TTLL5: variants seen among roughly 807,000 people sequenced by gnomAD.
TTLL5 encodes tubulin polyglutamylase TTLL5.
Under a neutral mutation model 168.4 loss-of-function variants are expected in TTLL5, and 132 were observed. That is an observed-to-expected ratio of 0.78 (90% CI 0.68 to 0.91). The LOEUF is 0.91. TTLL5 is among the 40% of genes least tolerant of loss of function. TTLL5 has a pLI of 0.00. For synonymous variants in TTLL5, 546 were observed against 558.6 expected, an observed-to-expected ratio of 0.98 and a Z score of 0.32; for missense variants, 1,545 against 1,581.5, an observed-to-expected ratio of 0.98 and a Z score of 0.39.
In TTLL5 at chr14:75,690,182, G is replaced by A. The variant is rs752553123; in HGVS notation, c.372-10G>A. On this transcript the variant is annotated splice_polypyrimidine_tract_variant and intron_variant, in intron 5 of 31. Coordinates refer to ENST00000298832, the MANE Select transcript of TTLL5 (RefSeq NM_015072.5). ...GTTTACTGAATGGAAATACTTTTTT[G>A]ATTTTTCAGGTCTTATGAACTTACC... is the stretch of plus-strand genomic sequence containing the variant. The A allele has an allele frequency of 8.1e-6, 13 of 1,607,126 alleles. 1 individual carries two copies. The South Asian group carries it at 1.5e-4, about 18-fold the overall frequency.
rs978438563 is a variant in TTLL5 at position 75,776,665 on chromosome 14, T to C, written c.2284-82T>C. 66 of 991,864 alleles carry C rather than the reference T, an allele frequency of 6.7e-5. No homozygotes were observed. The African/African-American group carries it at 1.0e-3, about 16-fold the overall frequency. 61.4% of individuals were successfully genotyped at this position (991,864 alleles called of 1,614,324 possible). A position where few individuals can be genotyped will look rare whatever the true frequency, so the allele number is the denominator to read the frequency against. On this transcript the variant is annotated intron_variant, in intron 22 of 31. Transcript: ENST00000298832. ...ATAAGGACAGATTAACTCAAGGCTATTGAAACTACATGATGAAGTGCATAT... is the reference window on the plus strand; with the variant it reads ...ATAAGGACAGATTAACTCAAGGCTACTGAAACTACATGATGAAGTGCATAT...
At chr14:75,931,781 C>G (rs1160148581) in intron 31 of TTLL5, among the ~76,000 whole-genome samples, 1 of 152,244 alleles carries the variant, frequency 6.6e-6, no homozygotes, top group South Asian at 2.1e-4. Flanking sequence ...CTATCCCAAA[C>G]TTCTTCACCA....
chr14:75,768,889 A>G (rs1376104909), intron 20 of TTLL5, among the ~76,000 whole-genome samples: 1 of 152,200 alleles, frequency 6.6e-6, no homozygotes, highest in Non-Finnish European at 1.5e-5. Flanking sequence ...CAGTCAGAAG[A>G]CCTGAGCTCT....
intron 6 of TTLL5, among the ~76,000 whole-genome samples, chr14:75,693,386 C>T (rs1885596793): frequency 6.6e-6 from 1 of 152,138 alleles, no homozygotes; most frequent in Non-Finnish European, 1.5e-5. Context: ...AGACACCAGC[C>T]AAGGTGATCT....
intron 28 of TTLL5, among the ~76,000 whole-genome samples, chr14:75,844,593 G>T (rs1214460537): frequency 6.6e-6 from 1 of 152,160 alleles, no homozygotes; most frequent in African/African-American, 2.4e-5. Flanking sequence ...TGTAAGATGG[G>T]ATAATACCTG....
chr14:75,837,625 A>G (rs1369239607), intron 28 of TTLL5, among the ~76,000 whole-genome samples: 1 of 152,098 alleles, frequency 6.6e-6, no homozygotes, highest in African/African-American at 2.4e-5. Context: ...ACGCCTGGAC[A>G]CTACTGTGGT....
At chr14:75,675,616 C>T (rs1884082507) in intron 3 of TTLL5, among the ~76,000 whole-genome samples, 2 of 152,204 alleles carry the variant, frequency 1.3e-5, no homozygotes, top group African/African-American at 4.8e-5. Flanking sequence ...GGACCATGCT[C>T]TGCCTCATGT....
chr14:75,930,260 G>T (rs1285798924), intron 31 of TTLL5, among the ~76,000 whole-genome samples: 4 of 152,160 alleles, frequency 2.6e-5, no homozygotes, highest in Admixed American at 6.5e-5. Flanking sequence ...AGGTAAAACA[G>T]AATTTCAAAT....
At chr14:75,773,450 TC>T (rs1163623241) in intron 21 of TTLL5, among the ~76,000 whole-genome samples, 1 of 151,884 alleles carries the variant, frequency 6.6e-6, no homozygotes, top group Non-Finnish European at 1.5e-5. Flanking sequence ...AAAATCAAAT[TC>T]AAGAAGAAAA....
At chr14:75,798,445 G>A (rs1893109281) in intron 27 of TTLL5, among the ~76,000 whole-genome samples, 1 of 149,518 alleles carries the variant, frequency 6.7e-6, no homozygotes, top group African/African-American at 2.5e-5. Flanking sequence ...GGGTTTTTTT[G>A]TTTGTATCAA....
chr14:75,954,699 A>G lies in TTLL5; in HGVS notation c.*253A>G. ...TGGGGACATTCAGCTGATGCATTAT[A>G]TACCCCGTCAGAGCACACTTGTATC... is the stretch of plus-strand genomic sequence containing the variant. On this transcript the variant is annotated 3_prime_UTR_variant, in exon 32 of 32. Transcript: ENST00000298832. The G allele has an allele frequency of 3.5e-6, 2 of 563,674 alleles. No individual in the cohort carries two copies. The highest frequency in any genetic ancestry group is 6.3e-6 in the Non-Finnish European group (2 of 316,026). The allele number at this position is 563,674 out of a possible 1,614,324, so 34.9% of individuals were successfully genotyped here.
At position 75,792,997 on chromosome 14, in the gene TTLL5, G is replaced by A. The variant is rs200575817; in HGVS notation, c.3068G>A (p.Arg1023Gln). 64 of 1,613,422 alleles carry A rather than the reference G, an allele frequency of 4.0e-5. No homozygotes were observed. The highest frequency in any genetic ancestry group is 2.7e-5 in the African/African-American group (2 of 74,890). The change falls in exon 27 of 32, where the codon CGG becomes CAG. Residue 1023 changes from arginine to glutamine, a missense_variant. Physicochemically the swap from Arg to Gln is conservative, Grantham distance 43 (BLOSUM62 1). Coordinates refer to ENST00000298832, the MANE Select transcript of TTLL5 (RefSeq NM_015072.5). Reference protein sequence around the residue: ...EGEDASLYSKRYNQSMVTAEL... With the variant: ...EGEDASLYSKQYNQSMVTAEL... ...GAAGATGCTTCTTTATATAGCAAAC[G>A]GTACAACCAAAGTATGGTTACAGCT...
chr14:75,892,556 G>A (rs1301342599), intron 30 of TTLL5, among the ~76,000 whole-genome samples: 1 of 152,200 alleles, frequency 6.6e-6, no homozygotes, highest in African/African-American at 2.4e-5. Context: ...CTGGGGGAGT[G>A]CGACTGGCAT....
At chr14:75,863,324 T>C (rs932394481) in intron 28 of TTLL5, among the ~76,000 whole-genome samples, 1 of 152,214 alleles carries the variant, frequency 6.6e-6, no homozygotes, top group Non-Finnish European at 1.5e-5. Flanking sequence ...CCATCCTGCA[T>C]TGGAAGCTCT....
intron 28 of TTLL5, among the ~76,000 whole-genome samples, chr14:75,829,819 T>C (rs1048359019): frequency 2.6e-5 from 4 of 152,238 alleles, no homozygotes; most frequent in African/African-American, 4.8e-5. Context: ...CCAGTCTGGC[T>C]CAGACAGTGT....
intron 4 of TTLL5, 46 bp downstream of exon 4, chr14:75,681,673 A>G: frequency 3.2e-6 from 5 of 1,549,432 alleles, no homozygotes; most frequent in Non-Finnish European, 4.4e-6. Flanking sequence ...ATAAGCTGAA[A>G]ATCCCAGCCA....
chr14:75,737,713 T>G (rs1888997280), intron 15 of TTLL5: 14 of 1,188,238 alleles, frequency 1.2e-5, no homozygotes, highest in Admixed American at 2.5e-5. Context: ...ATGTACCTAT[T>G]TTTTTGCGCA....
intron 15 of TTLL5, chr14:75,737,693 A>G (rs1200202717): frequency 2.2e-6 from 3 of 1,378,120 alleles, no homozygotes; most frequent in Non-Finnish European, 2.9e-6. Flanking sequence ...TTTTCATGGT[A>G]CATATTTTTA....
chr14:75,793,179 T>G (rs1415469458), intron 27 of TTLL5, 79 bp downstream of exon 27: 1 of 1,347,876 alleles, frequency 7.4e-7, no homozygotes, highest in Non-Finnish European at 9.9e-7. Flanking sequence ...TCTTTCCCTG[T>G]CTTTACTATT....
Sources: allele counts gnomAD v4.1 joint callset (sites outside exome capture counted in the v4.1 genomes callset), GRCh38; gene constraint gnomAD v4.1.1; transcripts MANE v1.5; gene names NCBI Gene and HGNC (gene_info 2026-07-23, HGNC 2026-07-21).